The following FDFT1 variants were observed in gnomAD, a reference collection of about 807,000 sequenced individuals.
The protein encoded by FDFT1 is squalene synthase.
In FDFT1, 68 loss-of-function variants were observed where a neutral mutation model predicts 46.8. The observed-to-expected ratio is 1.45, with a 90% CI of 1.19 to 1.78. The LOEUF (loss-of-function observed/expected upper bound fraction) is 1.78. Ranked by LOEUF, FDFT1 falls within the 40% of genes most tolerant of loss-of-function variation. FDFT1 has a pLI of 0.00. For missense variants in FDFT1, 928 were observed against 524.4 expected (o/e 1.77, Z -7.52); for synonymous variants, 351 against 185.1 (o/e 1.90, Z -7.28).
At chr8:11,807,388 C>T (rs1356123976) in intron 1 of FDFT1, among the ~76,000 whole-genome samples, 1 of 152,152 alleles carries the variant, frequency 6.6e-6, no homozygotes, top group African/African-American at 2.4e-5. Flanking sequence ...CCCTCAAATT[C>T]CTGGGCTCAA....
Position 11,809,671 on chromosome 8 carries a change from G to A in FDFT1, c.202G>A (p.Ala68Thr), listed in dbSNP as rs756709654. ...IQALDGEMRN[A>T]VCIFYLVLRA... ...ATAGTTTTCCCTTTTTTACAGCAAC[G>A]CAGTGTGCATATTTTATCTGGTTCT... Residue 68 changes from alanine to threonine, a missense_variant, in exon 3 of 8, where the codon GCA (alanine) becomes ACA (threonine). Coordinates refer to ENST00000220584, the MANE Select transcript of FDFT1 (RefSeq NM_004462.5). 6.2e-7 allele frequency: 1 copy of A among 1,607,062 alleles called. No individual in the cohort carries two copies. The highest frequency in any genetic ancestry group is 1.7e-5 in the Admixed American group (1 of 58,252).
In FDFT1 at chr8:11,809,620, C is replaced by G. The variant is rs1205237376; in HGVS notation, c.198-47C>G. On this transcript the variant is annotated intron_variant, in intron 2 of 7. Transcript: ENST00000220584. ...CACAAGTTATTTTAAAATAAAAAATCTTTGGCTGTTTGTTCCAATATATTA... is the reference window on the plus strand; with the variant it reads ...CACAAGTTATTTTAAAATAAAAAATGTTTGGCTGTTTGTTCCAATATATTA... 6.6e-6 allele frequency: 10 copies of G among 1,514,878 alleles called. No individual in the cohort carries two copies. The Admixed American group carries it at 1.7e-4, about 26-fold the overall frequency. 93.8% of individuals were successfully genotyped at this position (1,514,878 alleles called of 1,614,324 possible).
intron 3 of FDFT1, among the ~76,000 whole-genome samples, chr8:11,812,956 C>T: frequency 6.6e-6 from 1 of 152,182 alleles, no homozygotes; most frequent in Middle Eastern, 3.2e-3. Context: ...TTTCATCATT[C>T]TGTGAACATC....
intron 4 of FDFT1, among the ~76,000 whole-genome samples, chr8:11,825,062 C>A (rs1377274836): frequency 6.6e-6 from 1 of 152,142 alleles, no homozygotes; most frequent in Non-Finnish European, 1.5e-5. Flanking sequence ...AAAACCGTGT[C>A]AAGAACATAA....
At chr8:11,808,254 C>A (rs1285151976) in intron 1 of FDFT1, 5 of 1,208,174 alleles carry the variant, frequency 4.1e-6, no homozygotes, top group Non-Finnish European at 5.1e-6. Context: ...GAGACTCTGT[C>A]ACTGGGAGGA....
At chr8:11,802,991 G>C (rs1806329519) in intron 1 of FDFT1, 60 bp downstream of exon 1, 1 of 1,543,518 alleles carries the variant, frequency 6.5e-7, no homozygotes, top group East Asian at 2.4e-5. Context: ...CCGGCCTCAG[G>C]GCCTGAGCGG....
In FDFT1 at chr8:11,830,365, C is replaced by G. The variant is rs747225690; in HGVS notation, c.824C>G (p.Thr275Ser). The G allele has an allele frequency of 8.1e-6, 13 of 1,613,898 alleles. No homozygotes were observed. The highest frequency in any genetic ancestry group is 1.3e-5 in the African/African-American group (1 of 74,992). ...CTGCACCACATCCCAGATGTCATCA[C>G]CTACCTTTCGAGACTCAGAAACCAG... ...NALHHIPDVITYLSRLRNQSV... is the reference protein window; with the variant it reads ...NALHHIPDVISYLSRLRNQSV... The change falls in exon 6 of 8, where the codon ACC becomes AGC. Residue 275 changes from threonine (T) to serine (S), a missense_variant. Physicochemically the swap from Thr to Ser is moderately conservative, Grantham distance 58 (BLOSUM62 1). Coordinates refer to ENST00000220584, the MANE Select transcript of FDFT1 (RefSeq NM_004462.5).
At chr8:11,818,420 A>T (rs1207072970) in intron 3 of FDFT1, among the ~76,000 whole-genome samples, 1 of 152,188 alleles carries the variant, frequency 6.6e-6, no homozygotes, top group Non-Finnish European at 1.5e-5. Context: ...TATCCTTGTT[A>T]ACCTTTTGTC....
chr8:11,799,902 C>A (rs1184068911), upstream of FDFT1, among the ~76,000 whole-genome samples: 1 of 142,676 alleles, frequency 7.0e-6, no homozygotes, highest in Non-Finnish European at 1.5e-5. Flanking sequence ...ACCAAGATCG[C>A]GCCACTGCAC....
chr8:11,813,115 G>C (rs1336892400), intron 3 of FDFT1, among the ~76,000 whole-genome samples: 1 of 152,174 alleles, frequency 6.6e-6, no homozygotes, highest in Non-Finnish European at 1.5e-5. Context: ...AAGTATTTGT[G>C]TATTTAAACA....
chr8:11,817,988 G>T lies in FDFT1; in HGVS notation c.382-3762G>T, dbSNP rs549090253. On this transcript the variant is annotated intron_variant, in intron 3 of 7. Transcript: ENST00000220584. ...TTTTAGATCTTTCCTGCTTTCTCTT[G>T]TGAGCATTTAGTGCTATAAATTTCC... Among the ~76,000 whole-genome samples, 11 of 152,190 alleles carry T rather than the reference G, an allele frequency of 7.2e-5. 1 individual carries two copies. The South Asian group carries it at 2.3e-3, about 32-fold the overall frequency.
intron 4 of FDFT1, 142 bp downstream of exon 4, chr8:11,822,020 A>C: frequency 3.2e-5 from 31 of 965,332 alleles, no homozygotes; most frequent in Non-Finnish European, 4.2e-5. Context: ...TGAATGTCTC[A>C]TCATAAACAG....
upstream of FDFT1, among the ~76,000 whole-genome samples, chr8:11,801,500 A>C (rs1350806370): frequency 6.6e-6 from 1 of 151,974 alleles, no homozygotes; most frequent in Non-Finnish European, 1.5e-5. Flanking sequence ...TTGTATTTTT[A>C]GTAGAGACGC....
intron 3 of FDFT1, among the ~76,000 whole-genome samples, chr8:11,813,093 G>C (rs1204514933): frequency 6.6e-6 from 1 of 152,172 alleles, no homozygotes; most frequent in Non-Finnish European, 1.5e-5. Context: ...TAGGCAATTG[G>C]AGCACAGTGG....
intron 6 of FDFT1, 144 bp downstream of exon 6, chr8:11,830,564 A>T (rs1585991531): frequency 1.6e-6 from 1 of 635,056 alleles, no homozygotes; most frequent in African/African-American, 1.8e-5. Flanking sequence ...GTTTCATAGC[A>T]CCCGCCTTTG....
upstream of FDFT1, chr8:11,801,736 C>G: frequency 3.0e-6 from 1 of 331,650 alleles, no homozygotes; most frequent in South Asian, 2.3e-5. Context: ...CTCTGTTGGC[C>G]TGGCTGGAGT....
chr8:11,825,181 TC>T (rs1219666925), intron 4 of FDFT1, among the ~76,000 whole-genome samples: 1 of 152,230 alleles, frequency 6.6e-6, no homozygotes, highest in Non-Finnish European at 1.5e-5. Flanking sequence ...TTGTCCTAGT[TC>T]CTGTTACCAG....
chr8:11,802,408 C>T (rs922236847), upstream of FDFT1: 3 of 457,552 alleles, frequency 6.6e-6, no homozygotes, highest in South Asian at 1.5e-5. Context: ...CATCCTAAGC[C>T]CCACCGCCTC....
At chr8:11,814,544 C>G (rs565456603) in intron 3 of FDFT1, among the ~76,000 whole-genome samples, 11 of 152,254 alleles carry the variant, frequency 7.2e-5, no homozygotes, top group African/African-American at 2.6e-4. Flanking sequence ...TCTGTAGGCT[C>G]TCATGTTTTA....
Sources: allele counts gnomAD v4.1 joint callset (sites outside exome capture counted in the v4.1 genomes callset), GRCh38; gene constraint gnomAD v4.1.1; transcripts MANE v1.5; gene names NCBI Gene and HGNC (gene_info 2026-07-23, HGNC 2026-07-21).